The following EBF1 variants were observed in gnomAD, a reference collection of about 807,000 sequenced individuals.
EBF1 encodes the protein EBF transcription factor 1.
Under a neutral mutation model 68.4 loss-of-function variants are expected in EBF1, and 10 were observed. The observed-to-expected ratio is 0.15, with a 90% confidence interval of 0.09 to 0.25. The LOEUF is 0.25. Ranked by LOEUF, EBF1 falls within the 10% of genes least tolerant of loss-of-function variation. EBF1 has a pLI of 1.00. For missense variants in EBF1, 509 were observed against 794.4 expected (o/e 0.64, Z 4.32); for synonymous variants, 298 against 299.8 (o/e 0.99, Z 0.06).
At chr5:159,083,576 A>G (rs1043798351) in intron 5 of EBF1, among the ~76,000 whole-genome samples, 3 of 152,250 alleles carry the variant, frequency 2.0e-5, no homozygotes, top group African/African-American at 7.2e-5. Context: ...GACATACAAG[A>G]AGTTGGTATT....
At chr5:158,983,008 A>C (rs1343898620) in intron 6 of EBF1, 1 of 152,096 alleles carries the variant, frequency 6.6e-6, no homozygotes, top group Non-Finnish European at 1.5e-5. Flanking sequence ...CACCTGCCAC[A>C]CTTTACCTAA....
intron 6 of EBF1, among the ~76,000 whole-genome samples, chr5:158,842,365 C>G (rs970081911): frequency 6.6e-6 from 1 of 152,206 alleles, no homozygotes; most frequent in African/African-American, 2.4e-5. Context: ...GACATGAAAA[C>G]TGGCTGCTGC....
intron 6 of EBF1, among the ~76,000 whole-genome samples, chr5:159,002,804 G>T (rs1199765827): frequency 6.6e-6 from 1 of 152,174 alleles, no homozygotes; most frequent in Non-Finnish European, 1.5e-5. Flanking sequence ...TTGGAAATCT[G>T]TAAAGTAAAA....
intron 6 of EBF1, among the ~76,000 whole-genome samples, chr5:158,902,749 C>G (rs1803700018): frequency 6.6e-6 from 1 of 152,038 alleles, no homozygotes; most frequent in East Asian, 1.9e-4. Context: ...AGCCACAGAG[C>G]CCAGCCCAAA....
At position 158,815,921 on chromosome 5, in the gene EBF1, T is replaced by C. The variant is rs537300422; in HGVS notation, c.778+7255A>G. Among the ~76,000 whole-genome samples the C allele has an allele frequency of 2.0e-5, 3 of 152,328 alleles. No homozygotes were observed. The South Asian group carries it at 6.2e-4, about 32-fold the overall frequency. On this transcript the variant is annotated intron_variant, in intron 8 of 15. Coordinates refer to ENST00000313708, the MANE Select transcript of EBF1 (RefSeq NM_024007.5). The stretch of plus-strand genomic sequence containing the variant: ...AGCCCTGATTTGATACCTGAAAATC[T>C]GGGGTCTCAGTGCTCTATTTTATGA...
chr5:158,797,801 A>G (rs1259263972), intron 8 of EBF1, among the ~76,000 whole-genome samples: 1 of 152,192 alleles, frequency 6.6e-6, no homozygotes, highest in Non-Finnish European at 1.5e-5. Context: ...AACTCATAGC[A>G]ATGCATTTAC....
At chr5:159,094,866 C>T (rs1782308849) in intron 4 of EBF1, among the ~76,000 whole-genome samples, 3 of 152,134 alleles carry the variant, frequency 2.0e-5, no homozygotes, top group Non-Finnish European at 4.4e-5. Flanking sequence ...AGCTCCTGTG[C>T]CTCATTAAAA....
chr5:158,700,718 A>G (rs914028458), intron 15 of EBF1, among the ~76,000 whole-genome samples: 2 of 151,764 alleles, frequency 1.3e-5, no homozygotes, highest in East Asian at 3.9e-4. Flanking sequence ...CTGTATTCAC[A>G]AGGAAATTCA....
intron 6 of EBF1, among the ~76,000 whole-genome samples, chr5:159,024,541 A>G (rs1271665641): frequency 6.6e-6 from 1 of 152,198 alleles, no homozygotes; most frequent in Non-Finnish European, 1.5e-5. Flanking sequence ...TTTGACTCCT[A>G]ATGTTAGGCT....
chr5:158,968,875 T>C (rs1315362146), intron 6 of EBF1, among the ~76,000 whole-genome samples: 2 of 152,152 alleles, frequency 1.3e-5, no homozygotes, highest in Non-Finnish European at 2.9e-5. Flanking sequence ...AGTTGTGAAA[T>C]GACATCTGAA....
At chr5:158,931,429 A>G (rs1459958667) in intron 6 of EBF1, among the ~76,000 whole-genome samples, 4 of 152,208 alleles carry the variant, frequency 2.6e-5, no homozygotes, top group Non-Finnish European at 2.9e-5. Flanking sequence ...GTTTGATCCT[A>G]GAGCAAGGGG....
intron 5 of EBF1, among the ~76,000 whole-genome samples, chr5:159,081,275 G>C (rs1460484452): frequency 3.3e-5 from 5 of 152,198 alleles, no homozygotes; most frequent in Admixed American, 6.5e-5. Context: ...TATTTGGAGA[G>C]AGAGATCACA....
Position 159,053,605 on chromosome 5 carries a change from T to TCACACACA in EBF1, c.554+19783_554+19790dup, listed in dbSNP as rs3062333. ...CCCTCTCTCCCTCTCTCTCTCTCTC[T>TCACACACA]CACACACACACACACACACACACAC... On this transcript the variant is annotated intron_variant, in intron 6 of 15. Transcript: ENST00000313708. 9.0e-3 allele frequency among the ~76,000 whole-genome samples: 1,311 copies of TCACACACA among 146,386 alleles called. 14 individuals are homozygous for TCACACACA. The highest frequency in any genetic ancestry group is 0.031 in the African/African-American group (1,205 of 39,068).
rs2128010563 is a variant in EBF1, at chr5:159,096,967, C to T, written c.291+7G>A. On this transcript the variant is annotated splice_region_variant and intron_variant, in intron 2 of 15. Transcript: ENST00000313708. The stretch of plus-strand genomic sequence containing the variant: ...GGACGAGGGGCGACAGCGCTGCGCC[C>T]ACTTACTTTTTCCTTCTCCACGAAC... 6.2e-7 allele frequency: 1 copy of T among 1,613,392 alleles called. No individual in the cohort carries two copies. Among genetic ancestry groups the T allele is most frequent in the African/African-American group, 1.3e-5 (1 of 75,042 alleles).
At chr5:158,771,086 A>AT (rs1259501285) in intron 10 of EBF1, among the ~76,000 whole-genome samples, 3 of 152,168 alleles carry the variant, frequency 2.0e-5, no homozygotes, top group Non-Finnish European at 4.4e-5. Flanking sequence ...GAACACAGGT[A>AT]TTTTTATTCC....
intron 8 of EBF1, among the ~76,000 whole-genome samples, chr5:158,805,715 A>G (rs1283635256): frequency 6.6e-6 from 1 of 151,944 alleles, no homozygotes; most frequent in Non-Finnish European, 1.5e-5. Context: ...TTGTAATAGG[A>G]GTTTACGTTG....
At chr5:159,097,526 G>C (rs1584603524) in intron 1 of EBF1, 1 of 251,934 alleles carries the variant, frequency 4.0e-6, no homozygotes. Context: ...GGCACCCCTC[G>C]AATCTCACGT....
chr5:158,914,471 G>C (rs1236446980), intron 6 of EBF1, among the ~76,000 whole-genome samples: 1 of 152,154 alleles, frequency 6.6e-6, no homozygotes, highest in African/African-American at 2.4e-5. Context: ...GCCCCTTGCT[G>C]TTCCACATGT....
Position 159,099,656 on chromosome 5 carries a change from A to C in EBF1, c.-178T>G. On this transcript the variant is annotated 5_prime_UTR_variant, in exon 1 of 16. Transcript: ENST00000313708. Reference sequence around the variant, plus strand: ...AGGCGGGCTGGAAAGCAAATTTTTAAAAAATGTAAACCTCTGCTCAAAACT... The same window carrying C: ...AGGCGGGCTGGAAAGCAAATTTTTACAAAATGTAAACCTCTGCTCAAAACT... 1.3e-6 allele frequency: 1 copy of C among 753,048 alleles called. No individual in the cohort carries two copies. The highest frequency in any genetic ancestry group is 2.7e-5 in the South Asian group (1 of 36,418). 46.6% of individuals were successfully genotyped at this position (753,048 alleles called of 1,614,324 possible).
Sources: gnomAD v4.1 joint callset for allele counts (sites outside exome capture counted in the v4.1 genomes callset) on GRCh38, gnomAD v4.1.1 for gene constraint, MANE v1.5 for transcripts, NCBI Gene and HGNC (gene_info 2026-07-23, HGNC 2026-07-21) for gene names.